The following CACNB2 variants were observed in gnomAD, a reference collection of about 807,000 sequenced individuals.
CACNB2 encodes the protein calcium voltage-gated channel auxiliary subunit beta 2.
In CACNB2, 42 loss-of-function variants were observed where a neutral mutation model predicts 73.3. The ratio of observed to expected loss-of-function variants is 0.57; its 90% CI spans 0.45 to 0.74. CACNB2 has a LOEUF of 0.74. Ranked by LOEUF, CACNB2 falls within the 30% of genes least tolerant of loss-of-function variation. The pLI is 0.00. For missense variants in CACNB2, 940 were observed against 853.0 expected (o/e 1.10, Z -1.27); for synonymous variants, 348 against 310.3 (o/e 1.12, Z -1.28).
At chr10:18,530,054 T>C (rs1206582046) in intron 10 of CACNB2, among the ~76,000 whole-genome samples, 1 of 152,162 alleles carries the variant, frequency 6.6e-6, no homozygotes, top group Non-Finnish European at 1.5e-5. Context: ...TTAGATCTCA[T>C]GAGACTCATT....
chr10:18,478,224 G>T (rs932522769), intron 3 of CACNB2, among the ~76,000 whole-genome samples: 1 of 152,212 alleles, frequency 6.6e-6, no homozygotes, highest in African/African-American at 2.4e-5. Flanking sequence ...GAGCCACCAT[G>T]CCTGGCCGGA....
chr10:18,238,643 T>G (rs1283148725), intron 2 of CACNB2: 1 of 152,248 alleles, frequency 6.6e-6, no homozygotes, highest in Non-Finnish European at 1.5e-5. Context: ...ATGAGTTGAC[T>G]GCCAAGGAGT....
intron 2 of CACNB2, among the ~76,000 whole-genome samples, chr10:18,169,161 T>G (rs2033064037): frequency 6.6e-6 from 1 of 151,346 alleles, no homozygotes; most frequent in African/African-American, 2.4e-5. Context: ...AAGAAACTGA[T>G]TCTTCTTTTT....
rs1187496915 is a variant in CACNB2 at position 18,525,362 on chromosome 10, T to C, written c.945-2226T>C. ...AAGGGTATATACATGTTTTTTTCAATAGCCTGAATGTTTACAAACCTTTCT... is the reference window on the plus strand; with the variant it reads ...AAGGGTATATACATGTTTTTTTCAACAGCCTGAATGTTTACAAACCTTTCT... On this transcript the variant is annotated intron_variant, in intron 9 of 13. Transcript: ENST00000324631. 2.6e-5 allele frequency among the ~76,000 whole-genome samples: 4 copies of C among 152,314 alleles called. No homozygotes were observed. The East Asian group carries it at 5.8e-4, about 22-fold the overall frequency.
chr10:18,436,490 T>G (rs2046144007), intron 3 of CACNB2, among the ~76,000 whole-genome samples: 1 of 152,232 alleles, frequency 6.6e-6, no homozygotes, highest in Admixed American at 6.5e-5. Context: ...CCTCCATCAA[T>G]AGATCAAAAT....
chr10:18,221,385 G>A (rs1016517971), intron 2 of CACNB2, among the ~76,000 whole-genome samples: 1 of 152,070 alleles, frequency 6.6e-6, no homozygotes, highest in African/African-American at 2.4e-5. Context: ...ACAAGTCTCA[G>A]TTTAAAAAAA....
chr10:18,410,317 A>G (rs185956309), intron 3 of CACNB2, among the ~76,000 whole-genome samples: 3 of 152,324 alleles, frequency 2.0e-5, no homozygotes, highest in Middle Eastern at 3.4e-3. Context: ...AGGAGGAAGC[A>G]TTAGTTCAGT....
chr10:18,314,594 G>T (rs2040086572), intron 2 of CACNB2, among the ~76,000 whole-genome samples: 1 of 151,512 alleles, frequency 6.6e-6, no homozygotes, highest in African/African-American at 2.4e-5. Context: ...AAAAAAACGT[G>T]AGCCACCATA....
intron 2 of CACNB2, among the ~76,000 whole-genome samples, chr10:18,279,795 G>A (rs573892611): frequency 1.1e-4 from 16 of 152,138 alleles, no homozygotes; most frequent in African/African-American, 2.2e-4. Context: ...TTTTCCACCC[G>A]AGAGCTGGGC....
At chr10:18,388,958 A>G (rs886808635) in intron 2 of CACNB2, among the ~76,000 whole-genome samples, 2 of 152,194 alleles carry the variant, frequency 1.3e-5, no homozygotes, top group Non-Finnish European at 2.9e-5. Flanking sequence ...TCAATTACAG[A>G]AAATATGTAT....
chr10:18,462,471 C>G (rs2047634208), intron 3 of CACNB2, among the ~76,000 whole-genome samples: 1 of 151,828 alleles, frequency 6.6e-6, no homozygotes, highest in African/African-American at 2.4e-5. Context: ...CCAGGCTGGC[C>G]TCATAATTCC....
At chr10:18,238,726 A>T (rs967909070) in intron 2 of CACNB2, among the ~76,000 whole-genome samples, 3 of 152,200 alleles carry the variant, frequency 2.0e-5, no homozygotes, top group Non-Finnish European at 4.4e-5. Flanking sequence ...GAGTAGCTTC[A>T]TTCAGATAAT....
intron 3 of CACNB2, among the ~76,000 whole-genome samples, chr10:18,468,334 A>C (rs1032150477): frequency 8.5e-5 from 13 of 152,192 alleles, no homozygotes; most frequent in East Asian, 1.9e-4. Flanking sequence ...AGTGGCATGC[A>C]TATGTAGTTT....
At chr10:18,233,279 G>T (rs2036293940) in intron 2 of CACNB2, among the ~76,000 whole-genome samples, 2 of 152,114 alleles carry the variant, frequency 1.3e-5, no homozygotes, top group South Asian at 2.1e-4. Context: ...GCTTCCTGCT[G>T]CTCTACAGTT....
intron 2 of CACNB2, among the ~76,000 whole-genome samples, chr10:18,215,900 C>G (rs16917005): frequency 0.051 from 7,734 of 152,096 alleles, 624 homozygotes; most frequent in African/African-American, 0.17. Context: ...TTACTGAGAT[C>G]GGGTCTAGAT....
chr10:18,350,579 C>G (rs1589113042), intron 2 of CACNB2, among the ~76,000 whole-genome samples: 1 of 152,112 alleles, frequency 6.6e-6, no homozygotes, highest in Admixed American at 6.6e-5. Context: ...TAATCTTCAC[C>G]CAGGGGTACC....
At chr10:18,324,423 A>G (rs543996181) in intron 2 of CACNB2, among the ~76,000 whole-genome samples, 1 of 152,372 alleles carries the variant, frequency 6.6e-6, no homozygotes, top group East Asian at 1.9e-4. Context: ...TGCCAGTCGC[A>G]AATACTTACA....
intron 3 of CACNB2, among the ~76,000 whole-genome samples, chr10:18,425,837 C>G (rs1340947773): frequency 6.6e-6 from 1 of 152,130 alleles, no homozygotes; most frequent in Non-Finnish European, 1.5e-5. Context: ...AATCTGACTT[C>G]ATGTAGAATA....
chr10:18,350,868 C>T (rs1323014468), intron 2 of CACNB2, among the ~76,000 whole-genome samples: 8 of 152,124 alleles, frequency 5.3e-5, no homozygotes, highest in African/African-American at 7.2e-5. Context: ...AGTGCAGTGG[C>T]ACAATCATAG....
Sources: allele counts gnomAD v4.1 joint callset (sites outside exome capture counted in the v4.1 genomes callset), GRCh38; gene constraint gnomAD v4.1.1; transcripts MANE v1.5; gene names NCBI Gene and HGNC (gene_info 2026-07-23, HGNC 2026-07-21).